Variants in DENND6A observed in about 807,000 individuals in gnomAD.
DENND6A encodes the protein protein DENND6A.
Under a neutral mutation model 95.5 loss-of-function variants are expected in DENND6A, and 43 were observed. The ratio of observed to expected loss-of-function variants is 0.45; its 90% CI spans 0.35 to 0.58. The LOEUF (loss-of-function observed/expected upper bound fraction) is 0.58, where lower values mean the gene tolerates loss of function less well. DENND6A is among the 20% of genes least tolerant of loss of function. The probability of loss-of-function intolerance (pLI) is 0.00; values close to 1 mark genes in which losing one functional copy is unlikely to be tolerated. For synonymous variants in DENND6A, 257 were observed against 260.4 expected (o/e 0.99, Z 0.13); for missense variants, 574 against 736.0 (o/e 0.78, Z 2.55).
intron 9 of DENND6A, among the ~76,000 whole-genome samples, chr3:57,646,962 A>G (rs1323282322): frequency 6.6e-6 from 1 of 152,166 alleles, no homozygotes; most frequent in Non-Finnish European, 1.5e-5. Flanking sequence ...AGTGCTGAGT[A>G]TTTTTACAGC....
At chr3:57,659,213 T>C (rs1402699221) in intron 7 of DENND6A, 33 bp from the exon 8 acceptor site, 2 of 1,609,268 alleles carry the variant, frequency 1.2e-6, no homozygotes, top group Non-Finnish European at 1.7e-6. Flanking sequence ...TTTTTGGTTA[T>C]AAAAGAATGG....
intron 10 of DENND6A, among the ~76,000 whole-genome samples, 188 bp from the exon 11 acceptor site, chr3:57,645,944 C>G (rs2071070963): frequency 6.6e-6 from 1 of 152,158 alleles, no homozygotes; most frequent in African/African-American, 2.4e-5. Context: ...ACTGAAAGAA[C>G]ACACTGGGTT....
chr3:57,662,781 A>G (rs2071447521), intron 5 of DENND6A, among the ~76,000 whole-genome samples: 1 of 152,044 alleles, frequency 6.6e-6, no homozygotes, highest in East Asian at 1.9e-4. Context: ...TTAAACATAT[A>G]GAGACAGGTG....
intron 9 of DENND6A, among the ~76,000 whole-genome samples, chr3:57,647,516 C>T (rs1466697982): frequency 6.6e-6 from 1 of 152,058 alleles, no homozygotes; most frequent in Admixed American, 6.6e-5. Flanking sequence ...ATGTGGTGAG[C>T]AATGTATACA....
intron 4 of DENND6A, among the ~76,000 whole-genome samples, chr3:57,665,216 G>A (rs999117557): frequency 9.9e-5 from 15 of 152,210 alleles, no homozygotes; most frequent in South Asian, 2.1e-4. Context: ...CTCTTTACTC[G>A]TTAAACAATT....
Position 57,630,505 on chromosome 3 carries a change from T to G in DENND6A, c.1536A>C (p.Pro512=), listed in dbSNP as rs780521204. 1 of 1,589,406 alleles carries G rather than the reference T, an allele frequency of 6.3e-7. No homozygotes were observed. Residue 512 remains proline (P), a synonymous_variant, in exon 18 of 20, where the codon CCA becomes CCC. Transcript: ENST00000311128. ...GGGTCTTAAACCAGCCATCAAAATT[T>G]GGAGACTTTAGGAAATGCCTATAAA... ...IGLYRHFLKS[P]NFDGWFKTRR... is the part of the protein sequence containing the mutation.
chr3:57,638,233 A>G (rs139997413), intron 12 of DENND6A, among the ~76,000 whole-genome samples: 254 of 152,224 alleles, frequency 1.7e-3, no homozygotes, highest in African/African-American at 6.0e-3. Context: ...CAAAGCATAT[A>G]TCTAATAAGG....
intron 9 of DENND6A, among the ~76,000 whole-genome samples, chr3:57,649,639 A>T (rs370590627): frequency 0.024 from 3,512 of 146,688 alleles, 59 homozygotes; most frequent in Middle Eastern, 0.036. Flanking sequence ...TGAAAAAAAA[A>T]AAATATATAT....
In DENND6A at chr3:57,693,072, G is replaced by T. The variant is rs892499384; in HGVS notation, c.-54C>A. ...TCCACAGCGGACCGCGCCGCAGAGC[G>T]CGCTTGCCTCCGCGCAGGCGCAGAC... On this transcript the variant is annotated 5_prime_UTR_variant, in exon 1 of 20. Transcript: ENST00000311128. 13 of 1,322,134 alleles carry T rather than the reference G, an allele frequency of 9.8e-6. No homozygotes were observed. The African/African-American group carries it at 1.9e-4, about 19-fold the overall frequency. The allele number at this position is 1,322,134 out of a possible 1,614,324, so 81.9% of individuals were successfully genotyped here. A position where few individuals can be genotyped will look rare whatever the true frequency, so the allele number is the denominator to read the frequency against.
chr3:57,640,994 C>T (rs929626107), intron 12 of DENND6A, among the ~76,000 whole-genome samples: 4 of 151,594 alleles, frequency 2.6e-5, no homozygotes, highest in African/African-American at 7.3e-5. Flanking sequence ...AAATCAATAA[C>T]CTGTGCTACA....
In DENND6A at chr3:57,663,735, G is replaced by A. The variant is rs1289832863; in HGVS notation, c.433-19C>T. ...GATCCTTCTAAGAAGAAAGTGACAA[G>A]TAAGTGTGTGTGGGGGGGTACATAT... On this transcript the variant is annotated intron_variant, in intron 4 of 19. Coordinates refer to ENST00000311128, the MANE Select transcript of DENND6A (RefSeq NM_152678.3). 4 of 1,478,668 alleles carry A rather than the reference G, an allele frequency of 2.7e-6. No individual in the cohort carries two copies. Among genetic ancestry groups the A allele is most frequent in the Non-Finnish European group, 3.7e-6 (4 of 1,079,544 alleles). 91.6% of individuals were successfully genotyped at this position (1,478,668 alleles called of 1,614,324 possible). A position where few individuals can be genotyped will look rare whatever the true frequency, so the allele number is the denominator to read the frequency against.
At chr3:57,645,850 A>G in intron 10 of DENND6A, 94 bp from the exon 11 acceptor site, 1 of 799,784 alleles carries the variant, frequency 1.3e-6, no homozygotes, top group Non-Finnish European at 2.0e-6. Flanking sequence ...GTATACACAC[A>G]AAGGGATACT....
At chr3:57,668,259 G>T (rs1358127061) in intron 3 of DENND6A, among the ~76,000 whole-genome samples, 1 of 152,142 alleles carries the variant, frequency 6.6e-6, no homozygotes, top group Non-Finnish European at 1.5e-5. Context: ...AGCACATGAT[G>T]ATGTCCCTGC....
Position 57,634,691 on chromosome 3 carries a change from T to C in DENND6A, c.1198+13A>G, listed in dbSNP as rs759694920. Reference sequence around the variant, plus strand: ...ATATAAATATATATTTAAAAATCAATAAAAGTCAATACCAGGTTTGGAATC... The same window carrying C: ...ATATAAATATATATTTAAAAATCAACAAAAGTCAATACCAGGTTTGGAATC... On this transcript the variant is annotated intron_variant, in intron 13 of 19. Coordinates refer to ENST00000311128, the MANE Select transcript of DENND6A (RefSeq NM_152678.3). 2.6e-6 allele frequency: 4 copies of C among 1,527,434 alleles called. No homozygotes were observed. Among genetic ancestry groups the C allele is most frequent in the Non-Finnish European group, 3.5e-6 (4 of 1,137,306 alleles). 94.6% of individuals were successfully genotyped at this position (1,527,434 alleles called of 1,614,324 possible).
chr3:57,667,724 A>T (rs1171264882), intron 3 of DENND6A, among the ~76,000 whole-genome samples: 3 of 152,178 alleles, frequency 2.0e-5, no homozygotes. Flanking sequence ...GCAAGTTGAG[A>T]ATATATATTT....
At chr3:57,667,333 T>A (rs6779444) in intron 3 of DENND6A, among the ~76,000 whole-genome samples, 20,202 of 151,860 alleles carry the variant, frequency 0.13, 1,433 homozygotes, top group South Asian at 0.21. Context: ...TTAAAAAAAA[T>A]TTCACTAGAG....
chr3:57,689,278 C>G (rs2153417721), intron 1 of DENND6A, among the ~76,000 whole-genome samples: 1 of 148,636 alleles, frequency 6.7e-6, no homozygotes, highest in South Asian at 2.1e-4. Flanking sequence ...CTTTACTTGC[C>G]AAGTTTTCAG....
chr3:57,676,924 A>C (rs1244669772), intron 1 of DENND6A, among the ~76,000 whole-genome samples: 3 of 152,070 alleles, frequency 2.0e-5, no homozygotes, highest in Non-Finnish European at 4.4e-5. Flanking sequence ...CCCAGGTTCA[A>C]GCGATTCTTG....
chr3:57,660,990 G>A, intron 6 of DENND6A, 151 bp from the exon 7 acceptor site: 1 of 638,538 alleles, frequency 1.6e-6, no homozygotes, highest in Non-Finnish European at 2.5e-6. Context: ...AAGTCAAAGT[G>A]ATGAAAACAT....
Sources: allele counts gnomAD v4.1 joint callset (sites outside exome capture counted in the v4.1 genomes callset), GRCh38; gene constraint gnomAD v4.1.1; transcripts MANE v1.5; gene names NCBI Gene and HGNC (gene_info 2026-07-23, HGNC 2026-07-21).